ARHGAP32: variants seen among roughly 807,000 people sequenced by gnomAD.
The protein encoded by ARHGAP32 is rho GTPase-activating protein 32.
Under a neutral mutation model 186.5 loss-of-function variants are expected in ARHGAP32, and 51 were observed. The observed-to-expected ratio is 0.27, with a 90% CI of 0.22 to 0.35. The LOEUF (loss-of-function observed/expected upper bound fraction) is 0.35. Among genes scored for constraint, ARHGAP32 ranks in the 10% least tolerant of loss-of-function variants. ARHGAP32 has a pLI of 1.00. For synonymous variants in ARHGAP32, 950 were observed against 964.3 expected (o/e 0.99, Z 0.27); for missense variants, 2,186 against 2,623.5 (o/e 0.83, Z 3.64).
chr11:129,263,423 A>T (rs1325014032), intron 1 of ARHGAP32, among the ~76,000 whole-genome samples: 1 of 152,164 alleles, frequency 6.6e-6, no homozygotes, highest in Non-Finnish European at 1.5e-5. Context: ...GGCCTTGAAC[A>T]CACATTTCTT....
intron 5 of ARHGAP32, among the ~76,000 whole-genome samples, chr11:129,118,022 A>AT (rs545538666): frequency 8.7e-4 from 132 of 151,296 alleles, no homozygotes; most frequent in Middle Eastern, 3.4e-3. Flanking sequence ...TCTAGTAATT[A>AT]TTTTTTTGTG....
intron 1 of ARHGAP32, among the ~76,000 whole-genome samples, chr11:129,173,554 G>A (rs187822641): frequency 1.3e-5 from 2 of 152,136 alleles, no homozygotes; most frequent in East Asian, 1.9e-4. Context: ...GATGAACATC[G>A]ATGCAAAAAT....
At chr11:129,038,890 A>G (rs1309556539) in intron 11 of ARHGAP32, among the ~76,000 whole-genome samples, 31 of 16,264 alleles carry the variant, frequency 1.9e-3, no homozygotes, top group Middle Eastern at 0.033. Flanking sequence ...CCTGTCTCGA[A>G]AAAAAAAAAA....
upstream of ARHGAP32, among the ~76,000 whole-genome samples, chr11:129,193,942 G>C (rs909881925): frequency 4.0e-5 from 6 of 150,174 alleles, no homozygotes; most frequent in Non-Finnish European, 7.4e-5. Flanking sequence ...GAGCTCAAAA[G>C]ATAAATAGGC....
intron 11 of ARHGAP32, among the ~76,000 whole-genome samples, chr11:129,014,217 T>C (rs1033337587): frequency 5.3e-5 from 8 of 152,156 alleles, no homozygotes; most frequent in Non-Finnish European, 2.9e-5. Flanking sequence ...GTCTTTCCAG[T>C]AGTTAAAAGC....
chr11:129,081,758 A>G (rs1177365206), intron 6 of ARHGAP32, among the ~76,000 whole-genome samples: 1 of 151,992 alleles, frequency 6.6e-6, no homozygotes, highest in Non-Finnish European at 1.5e-5. Flanking sequence ...TAGAACTATC[A>G]GACAAGAGAG....
At chr11:129,064,373 T>C (rs1591581981) in intron 8 of ARHGAP32, among the ~76,000 whole-genome samples, 2 of 152,270 alleles carry the variant, frequency 1.3e-5, no homozygotes, top group South Asian at 2.1e-4. Flanking sequence ...CTTTCCATCT[T>C]GCATTCCCAA....
chr11:129,204,013 T>G (rs1944487890), intron 1 of ARHGAP32, among the ~76,000 whole-genome samples: 1 of 148,010 alleles, frequency 6.8e-6, no homozygotes. Context: ...ATATTTATAC[T>G]ATATAAAATA....
intron 1 of ARHGAP32, among the ~76,000 whole-genome samples, chr11:129,229,388 A>C (rs1194045607): frequency 6.6e-6 from 1 of 152,064 alleles, no homozygotes; most frequent in Non-Finnish European, 1.5e-5. Context: ...TATTTAAATA[A>C]TTTTCTGGAA....
rs1292120631 is a variant in ARHGAP32, at chr11:128,974,166, T to C, written c.3031A>G (p.Ser1011Gly). Reference protein sequence around the residue: ...LPGKEDQSVSSSQSKAVASGQ... With the variant: ...LPGKEDQSVSGSQSKAVASGQ... ...GAAGCTACAGCCTTACTCTGACTGCTTGAGACAGACTGATCCTCTTTCCCT... is the reference window on the plus strand; with the variant it reads ...GAAGCTACAGCCTTACTCTGACTGCCTGAGACAGACTGATCCTCTTTCCCT... Residue 1011 changes from serine (S) to glycine (G), a missense_variant, in exon 21 of 23, where the codon AGC becomes GGC. Ser to Gly is a moderately conservative substitution (Grantham distance 56). This residue lies in a region of ARHGAP32 where 1,502 missense variants were observed against 1,570.0 expected (regional missense o/e 0.96). Coordinates refer to ENST00000682385, the MANE Select transcript of ARHGAP32 (RefSeq NM_001378024.1). 6.2e-7 allele frequency: 1 copy of C among 1,614,234 alleles called. No individual in the cohort carries two copies. The highest frequency in any genetic ancestry group is 1.7e-5 in the Admixed American group (1 of 60,032).
At chr11:129,095,244 A>G (rs978057860) in intron 5 of ARHGAP32, among the ~76,000 whole-genome samples, 1 of 152,230 alleles carries the variant, frequency 6.6e-6, no homozygotes, top group East Asian at 1.9e-4. Context: ...AAGTGACTCA[A>G]AGATGTGCTT....
intron 2 of ARHGAP32, among the ~76,000 whole-genome samples, chr11:129,151,284 G>C (rs1459336249): frequency 6.6e-6 from 1 of 151,980 alleles, no homozygotes; most frequent in Non-Finnish European, 1.5e-5. Context: ...ATAATAGTGG[G>C]GAAATTCAAT....
intron 12 of ARHGAP32, among the ~76,000 whole-genome samples, chr11:128,994,374 T>G (rs1045271604): frequency 1.3e-5 from 2 of 152,026 alleles, no homozygotes; most frequent in African/African-American, 2.4e-5. Flanking sequence ...AGGCTGGTCT[T>G]GAACTCCTGA....
intron 1 of ARHGAP32, among the ~76,000 whole-genome samples, chr11:129,174,446 C>T (rs915392767): frequency 6.6e-6 from 1 of 152,198 alleles, no homozygotes; most frequent in African/African-American, 2.4e-5. Flanking sequence ...CACCACAGCT[C>T]AAGGAGGCCT....
At chr11:129,035,198 C>G (rs1939281165) in intron 11 of ARHGAP32, among the ~76,000 whole-genome samples, 1 of 151,944 alleles carries the variant, frequency 6.6e-6, no homozygotes, top group South Asian at 2.1e-4. Flanking sequence ...CTCTCTCTAT[C>G]AAACTCTTAC....
chr11:129,174,426 G>A (rs1342226668), intron 1 of ARHGAP32, among the ~76,000 whole-genome samples: 1 of 152,202 alleles, frequency 6.6e-6, no homozygotes, highest in Non-Finnish European at 1.5e-5. Context: ...AGCTCGAACT[G>A]GGTAGAGCCC....
intron 2 of ARHGAP32, among the ~76,000 whole-genome samples, chr11:129,139,124 T>C (rs371160525): frequency 2.6e-5 from 4 of 152,298 alleles, no homozygotes; most frequent in African/African-American, 7.2e-5. Context: ...ACATTACTTA[T>C]TAGAATATGA....
chr11:129,096,868 G>C (rs1941744687), intron 5 of ARHGAP32, among the ~76,000 whole-genome samples: 2 of 152,082 alleles, frequency 1.3e-5, no homozygotes, highest in African/African-American at 2.4e-5. Flanking sequence ...GCATTCAAAA[G>C]CAACTGACCT....
intron 1 of ARHGAP32, among the ~76,000 whole-genome samples, chr11:129,262,839 T>C (rs1945341266): frequency 6.6e-6 from 1 of 152,168 alleles, no homozygotes; most frequent in Non-Finnish European, 1.5e-5. Flanking sequence ...GTACCAAATA[T>C]AAATTACTTC....
Sources: allele counts gnomAD v4.1 joint callset (sites outside exome capture counted in the v4.1 genomes callset), GRCh38; gene constraint gnomAD v4.1.1; regional missense constraint gnomAD v4.1.1; transcripts MANE v1.5; gene names NCBI Gene and HGNC (gene_info 2026-07-23, HGNC 2026-07-21).